SGMS1: variants seen among roughly 807,000 people sequenced by gnomAD.
The protein encoded by SGMS1 is sphingomyelin synthase 1.
SGMS1 carries 13 observed loss-of-function variants against 46.2 expected under a neutral mutation model. The observed-to-expected ratio is 0.28, with a 90% CI of 0.18 to 0.45. SGMS1 has a LOEUF of 0.45. SGMS1 is among the 20% of genes least tolerant of loss of function. The pLI, the probability that SGMS1 is intolerant of heterozygous loss-of-function variation, is 1.00. For missense variants in SGMS1, 324 were observed against 519.9 expected (o/e 0.62, Z 3.66); for synonymous variants, 203 against 187.8 (o/e 1.08, Z -0.66).
intron 1 of SGMS1, among the ~76,000 whole-genome samples, chr10:50,593,318 G>T (rs920759669): frequency 6.6e-6 from 1 of 152,156 alleles, no homozygotes; most frequent in African/African-American, 2.4e-5. Context: ...GAACCACCCT[G>T]CTTAGCTGCT....
intron 5 of SGMS1, among the ~76,000 whole-genome samples, chr10:50,441,225 G>A (rs772157218): frequency 3.9e-5 from 6 of 152,188 alleles, no homozygotes; most frequent in African/African-American, 7.2e-5. Context: ...TGTGAATAGC[G>A]AGTTTGGGAG....
chr10:50,314,415 A>T (rs958947365), intron 8 of SGMS1, among the ~76,000 whole-genome samples: 1 of 152,164 alleles, frequency 6.6e-6, no homozygotes, highest in African/African-American at 2.4e-5. Context: ...GACCTTATAC[A>T]GCTGAACCAT....
intron 3 of SGMS1, among the ~76,000 whole-genome samples, chr10:50,514,527 C>T (rs1256865907): frequency 6.6e-6 from 1 of 152,144 alleles, no homozygotes; most frequent in Non-Finnish European, 1.5e-5. Context: ...TCTCAAGATC[C>T]TGAGCTTAAT....
intron 5 of SGMS1, among the ~76,000 whole-genome samples, chr10:50,453,179 T>C (rs777047829): frequency 2.6e-5 from 4 of 152,124 alleles, no homozygotes; most frequent in Non-Finnish European, 5.9e-5. Context: ...TTTCGAATAC[T>C]AGAATTATCA....
chr10:50,589,906 G>A (rs985740191), intron 2 of SGMS1, among the ~76,000 whole-genome samples: 6 of 152,132 alleles, frequency 3.9e-5, no homozygotes, highest in African/African-American at 1.4e-4. Flanking sequence ...TTTCAGGGAA[G>A]AATATCCTTA....
chr10:50,541,815 T>A (rs1274435268), intron 2 of SGMS1, among the ~76,000 whole-genome samples: 1 of 152,102 alleles, frequency 6.6e-6, no homozygotes, highest in African/African-American at 2.4e-5. Flanking sequence ...CATGCACTTT[T>A]AAAAAAAGGA....
At chr10:50,401,200 C>T (rs1355337468) in intron 6 of SGMS1, among the ~76,000 whole-genome samples, 2 of 152,186 alleles carry the variant, frequency 1.3e-5, no homozygotes, top group Admixed American at 6.5e-5. Context: ...AAACTAGCCC[C>T]AATTTCCATA....
chr10:50,408,167 G>T (rs1411835449), intron 6 of SGMS1, among the ~76,000 whole-genome samples: 1 of 152,142 alleles, frequency 6.6e-6, no homozygotes, highest in Non-Finnish European at 1.5e-5. Context: ...GACATCAAAG[G>T]TCTGGCATAT....
At chr10:50,397,095 C>T (rs1564901063) in intron 6 of SGMS1, among the ~76,000 whole-genome samples, 2 of 152,300 alleles carry the variant, frequency 1.3e-5, no homozygotes, top group East Asian at 3.9e-4. Context: ...CATGAGTACT[C>T]CCAACCCATT....
chr10:50,343,503 G>C lies in SGMS1; in HGVS notation c.612C>G (p.Leu204=). 6.3e-7 allele frequency: 1 copy of C among 1,597,248 alleles called. No individual in the cohort carries two copies. The highest frequency in any genetic ancestry group is 8.5e-7 in the Non-Finnish European group (1 of 1,172,246). The change falls in exon 7 of 11, where the codon CTC becomes CTG. Residue 204 remains leucine, a synonymous_variant. Transcript: ENST00000361781. ...TTTACTTGACTTACTTGTATTTTAA[G>C]AGCAGCCACTGAATTAACCAGAGTC... ...LVGLWLIQWL[L]LKYKSIISRR... is the part of the protein sequence containing the mutation.
chr10:50,355,509 G>A (rs866214258), intron 6 of SGMS1, among the ~76,000 whole-genome samples: 4 of 152,202 alleles, frequency 2.6e-5, no homozygotes, highest in African/African-American at 4.8e-5. Context: ...TCCTGACTGC[G>A]AGTGATCTGC....
intron 2 of SGMS1, among the ~76,000 whole-genome samples, chr10:50,569,443 G>A (rs147266905): frequency 1.4e-4 from 21 of 152,192 alleles, no homozygotes; most frequent in African/African-American, 3.9e-4. Context: ...TATCCTTCCT[G>A]TATAAACCAG....
chr10:50,372,126 G>A (rs557585030), intron 6 of SGMS1, among the ~76,000 whole-genome samples: 11 of 152,226 alleles, frequency 7.2e-5, no homozygotes, highest in Admixed American at 6.5e-4. Context: ...TTTCATTATT[G>A]TATTCCCAGG....
chr10:50,423,315 C>T (rs759559066), intron 6 of SGMS1, among the ~76,000 whole-genome samples: 7 of 152,038 alleles, frequency 4.6e-5, no homozygotes, highest in Non-Finnish European at 8.8e-5. Context: ...AGCTCTGCAT[C>T]CAAGAGAGAC....
chr10:50,617,686 A>C (rs1838810704), intron 1 of SGMS1, among the ~76,000 whole-genome samples: 3 of 152,064 alleles, frequency 2.0e-5, no homozygotes, highest in Admixed American at 6.6e-5. Context: ...AGCTCAAGCA[A>C]TCCTCCCACC....
At chr10:50,450,082 AT>A (rs934837537) in intron 5 of SGMS1, among the ~76,000 whole-genome samples, 2 of 152,100 alleles carry the variant, frequency 1.3e-5, no homozygotes, top group African/African-American at 4.8e-5. Context: ...CATTAATAGA[AT>A]TTTTTTTAAT....
chr10:50,533,781 G>A (rs181258157), intron 2 of SGMS1, among the ~76,000 whole-genome samples: 6 of 152,056 alleles, frequency 3.9e-5, no homozygotes, highest in African/African-American at 1.2e-4. Flanking sequence ...AATATATAAA[G>A]TTTATATACA....
At chr10:50,308,211 T>C in intron 9 of SGMS1, 63 bp from the exon 10 acceptor site, 1 of 1,444,348 alleles carries the variant, frequency 6.9e-7, no homozygotes, top group Non-Finnish European at 9.5e-7. Context: ...CACCCAACTA[T>C]GCCTCTACTA....
chr10:50,321,210 T>C lies in SGMS1; in HGVS notation c.741+5995A>G, dbSNP rs570968430. ...AAAAATTCATACATCAAATGTTAAA[T>C]ATAAGGAGATATGAATAATAAATGC... On this transcript the variant is annotated intron_variant, in intron 8 of 10. Transcript: ENST00000361781. Among the ~76,000 whole-genome samples the C allele has an allele frequency of 2.0e-5, 3 of 152,292 alleles. No homozygotes were observed. The South Asian group carries it at 6.2e-4, about 32-fold the overall frequency.
Sources: gnomAD v4.1 joint callset for allele counts (sites outside exome capture counted in the v4.1 genomes callset) on GRCh38, gnomAD v4.1.1 for gene constraint, MANE v1.5 for transcripts, NCBI Gene and HGNC (gene_info 2026-07-23, HGNC 2026-07-21) for gene names.